Variants in PGM1 observed in about 807,000 individuals in gnomAD.
PGM1 encodes the protein phosphoglucomutase-1.
A neutral mutation model predicts 55.6 loss-of-function variants in PGM1; 52 were observed. The ratio of observed to expected loss-of-function variants is 0.94; its 90% CI spans 0.75 to 1.18. The LOEUF (loss-of-function observed/expected upper bound fraction) is 1.18. Ranked by LOEUF, PGM1 falls within the 50% of genes most tolerant of loss-of-function variation. The pLI is 0.00. For missense variants in PGM1, 724 were observed against 729.3 expected (o/e 0.99, Z 0.08); for synonymous variants, 287 against 271.7 (o/e 1.06, Z -0.55).
intron 1 of PGM1, among the ~76,000 whole-genome samples, chr1:63,594,571 A>G (rs1162981197): frequency 6.6e-6 from 1 of 151,950 alleles, no homozygotes; most frequent in African/African-American, 2.4e-5. Context: ...GGCCAAGGAA[A>G]GTTAACTGAC....
rs887414709 is a variant in PGM1, at chr1:63,657,295, G to T, written c.1600-2291G>T. 2.6e-5 allele frequency among the ~76,000 whole-genome samples: 4 copies of T among 152,244 alleles called. No homozygotes were observed. In the East Asian group the frequency reaches 5.8e-4, roughly 22 times the overall value. On this transcript the variant is annotated intron_variant, in intron 10 of 10. Transcript: ENST00000371084. ...TCTATTCCTGCCACTTAATAACTGT[G>T]TGTCCCTGGGTAAGTTGTTACAATT...
intron 9 of PGM1, among the ~76,000 whole-genome samples, 169 bp downstream of exon 9, chr1:63,652,021 C>T (rs1048213721): frequency 6.6e-6 from 1 of 152,200 alleles, no homozygotes; most frequent in Non-Finnish European, 1.5e-5. Context: ...CTCTCACATG[C>T]ACTCGTTGGG....
intron 1 of PGM1, among the ~76,000 whole-genome samples, chr1:63,611,880 G>C (rs1383046252): frequency 1.4e-4 from 22 of 152,052 alleles, no homozygotes; most frequent in Non-Finnish European, 2.9e-5. Flanking sequence ...CTCCAACCTG[G>C]CAACAGAGCG....
intron 7 of PGM1, among the ~76,000 whole-genome samples, chr1:63,647,751 G>C: frequency 6.6e-6 from 1 of 152,078 alleles, no homozygotes; most frequent in East Asian, 1.9e-4. Context: ...TTGTGTGCTT[G>C]GATCTCTTTC....
intron 3 of PGM1, 24 bp downstream of exon 3, chr1:63,630,112 C>T: frequency 6.2e-7 from 1 of 1,610,746 alleles, no homozygotes; most frequent in Non-Finnish European, 8.5e-7. Flanking sequence ...CCTCCTCTTT[C>T]TGCCCACTCC....
At chr1:63,656,943 T>C (rs1207102736) in intron 10 of PGM1, among the ~76,000 whole-genome samples, 1 of 152,120 alleles carries the variant, frequency 6.6e-6, no homozygotes, top group Non-Finnish European at 1.5e-5. Flanking sequence ...ACACTTGAAA[T>C]GTACTAGGAG....
chr1:63,611,695 GA>G (rs1334294753), intron 1 of PGM1, among the ~76,000 whole-genome samples: 4 of 152,130 alleles, frequency 2.6e-5, no homozygotes, highest in African/African-American at 9.7e-5. Flanking sequence ...ACAAGGTCAA[GA>G]GATCAAGACC....
intron 1 of PGM1, among the ~76,000 whole-genome samples, chr1:63,601,535 G>C (rs1648243046): frequency 6.6e-6 from 1 of 152,162 alleles, no homozygotes; most frequent in South Asian, 2.1e-4. Context: ...CAGTTATTCT[G>C]CTGACTTTGA....
chr1:63,626,845 T>C (rs1649030502), intron 1 of PGM1, among the ~76,000 whole-genome samples: 1 of 152,106 alleles, frequency 6.6e-6, no homozygotes, highest in Non-Finnish European at 1.5e-5. Context: ...AAACTGAAAG[T>C]CTGTGTCCAT....
At chr1:63,623,369 C>T (rs1648934834) in intron 1 of PGM1, 8 of 1,530,620 alleles carry the variant, frequency 5.2e-6, no homozygotes, top group Non-Finnish European at 7.0e-6. Flanking sequence ...ACTCATACGA[C>T]ACTGTTGCAG....
chr1:63,612,876 G>T (rs1050291236), intron 1 of PGM1, among the ~76,000 whole-genome samples: 1 of 152,150 alleles, frequency 6.6e-6, no homozygotes, highest in Admixed American at 6.5e-5. Context: ...TTTGAGGTTG[G>T]TCTCAGGAAG....
At chr1:63,623,571 A>C in intron 1 of PGM1, 3 of 1,612,870 alleles carry the variant, frequency 1.9e-6, no homozygotes, top group African/African-American at 2.7e-5. Context: ...AACCAGGAAC[A>C]AGTGGATTAC....
chr1:63,647,259 C>CATAT (rs55760196), intron 7 of PGM1, among the ~76,000 whole-genome samples: 671 of 54,798 alleles, frequency 0.012, 40 homozygotes, highest in Non-Finnish European at 0.016. Context: ...TAAAATTTTA[C>CATAT]ATATATATAT....
rs61765288 is a variant in PGM1 at position 63,615,649 on chromosome 1, G to A, written c.247-13776G>A. On this transcript the variant is annotated intron_variant, in intron 1 of 10. Coordinates refer to ENST00000371084, the MANE Select transcript of PGM1 (RefSeq NM_002633.3). The stretch of plus-strand genomic sequence containing the variant: ...GCGATCTCGACTCACTGCAATCTCC[G>A]CCTCCCGGGTTCCAGCGATTCTCCT... Among the ~76,000 whole-genome samples, 418 of 130,586 alleles carry A rather than the reference G, an allele frequency of 3.2e-3. 2 individuals are homozygous for A. Among genetic ancestry groups the A allele is most frequent in the Non-Finnish European group, 5.0e-3 (321 of 64,334 alleles). The allele number at this position is 130,586 out of a possible 152,430, so 85.7% of individuals were successfully genotyped here.
At chr1:63,642,404 C>A (rs1649540449) in intron 7 of PGM1, among the ~76,000 whole-genome samples, 1 of 152,152 alleles carries the variant, frequency 6.6e-6, no homozygotes, top group African/African-American at 2.4e-5. Flanking sequence ...TAAATGGGGA[C>A]CAGAACTGGA....
intron 1 of PGM1, among the ~76,000 whole-genome samples, chr1:63,602,301 T>C (rs1648265649): frequency 6.6e-6 from 1 of 152,250 alleles, no homozygotes; most frequent in South Asian, 2.1e-4. Flanking sequence ...AATACCAATC[T>C]ATACCATGCT....
chr1:63,631,777 A>T lies in PGM1; in HGVS notation c.677A>T (p.His226Leu), dbSNP rs776133697. The part of the protein sequence containing the change: ...NRLKIRIDAM[H>L]GVVGPYVKKI... ...CTGAAGATCCGTATTGATGCTATGC[A>T]TGGAGGTATACAATCATTTCTTTTC... The change falls in exon 4 of 11, where the codon CAT becomes CTT. Residue 226 changes from histidine (H) to leucine (L), a missense_variant. This residue lies in a region of PGM1 where 379 missense variants were observed against 357.5 expected (regional missense o/e 1.06). Coordinates refer to ENST00000371084, the MANE Select transcript of PGM1 (RefSeq NM_002633.3). 12 of 1,613,858 alleles carry T rather than the reference A, an allele frequency of 7.4e-6. No homozygotes were observed. The Admixed American group carries it at 2.0e-4, about 27-fold the overall frequency.
chr1:63,593,578 G>A lies in PGM1; in HGVS notation c.90G>A (p.Gln30=), dbSNP rs959694870. The A allele has an allele frequency of 1.2e-6, 2 of 1,613,790 alleles. No homozygotes were observed. The highest frequency in any genetic ancestry group is 1.3e-5 in the African/African-American group (1 of 75,054). The part of the protein sequence containing the change: ...SGLRKRVKVF[Q]SSANYAENFI... ...TGCGGAAGCGGGTGAAGGTGTTCCA[G>A]AGCAGCGCCAACTACGCGGAGAACT... The change falls in exon 1 of 11, where the codon CAG becomes CAA. Residue 30 remains glutamine, a synonymous_variant. Transcript: ENST00000371084.
At chr1:63,599,015 C>G (rs1031996885) in intron 1 of PGM1, among the ~76,000 whole-genome samples, 2 of 152,194 alleles carry the variant, frequency 1.3e-5, no homozygotes, top group African/African-American at 4.8e-5. Flanking sequence ...TAGCAGTTCA[C>G]ATTTCTTGAA....
Sources: gnomAD v4.1 joint callset for allele counts (sites outside exome capture counted in the v4.1 genomes callset) on GRCh38, gnomAD v4.1.1 for gene constraint, gnomAD v4.1.1 regional missense constraint, MANE v1.5 for transcripts, NCBI Gene and HGNC (gene_info 2026-07-23, HGNC 2026-07-21) for gene names.